The following CILP2 variants were observed in gnomAD, a reference collection of about 807,000 sequenced individuals.
CILP2 encodes cartilage intermediate layer protein 2.
CILP2 carries 38 observed loss-of-function variants against 45.6 expected under a neutral mutation model. That is an observed-to-expected ratio of 0.83 (90% CI 0.64 to 1.09). CILP2 has a LOEUF of 1.09. CILP2 is among the 50% of genes least tolerant of loss of function. CILP2 has a pLI of 0.00. For synonymous variants in CILP2, 780 were observed against 723.5 expected, an observed-to-expected ratio of 1.08 and a Z score of -1.25; for missense variants, 1,735 against 1,662.2, an observed-to-expected ratio of 1.04 and a Z score of -0.76.
chr19:19,546,017 C>A lies in CILP2; in HGVS notation c.*1C>A, dbSNP rs1487627309. The A allele has an allele frequency of 1.4e-6, 2 of 1,470,486 alleles. No homozygotes were observed. Among genetic ancestry groups the A allele is most frequent in the Non-Finnish European group, 1.8e-6 (2 of 1,113,268 alleles). 91.1% of individuals were successfully genotyped at this position (1,470,486 alleles called of 1,614,324 possible). ...CCGCCGGGGTAGGGTCCGGCAGTGA[C>A]CTGGGCAGGGGCCTCGCTTTCCCAC... On this transcript the variant is annotated 3_prime_UTR_variant, in exon 8 of 8. Coordinates refer to ENST00000291495, the MANE Select transcript of CILP2 (RefSeq NM_153221.2).
chr19:19,544,448 G>T lies in CILP2; in HGVS notation c.1903G>T (p.Ala635Ser), dbSNP rs1183256616. 4 of 1,609,372 alleles carry T rather than the reference G, an allele frequency of 2.5e-6. No individual in the cohort carries two copies. Among genetic ancestry groups the T allele is most frequent in the East Asian group, 2.2e-5 (1 of 44,846 alleles). ...LRFVDSDGELAPLRTYGMFSV... is the reference protein window; with the variant it reads ...LRFVDSDGELSPLRTYGMFSV... The stretch of plus-strand genomic sequence containing the variant: ...CTTCGTGGACAGCGACGGCGAGCTG[G>T]CTCCACTGCGCACCTACGGCATGTT... The change falls in exon 8 of 8, where the codon GCT becomes TCT. Residue 635 changes from alanine (A) to serine (S), a missense_variant. By Grantham distance (99) the Ala-to-Ser change is moderately conservative (BLOSUM62 1). Coordinates refer to ENST00000291495, the MANE Select transcript of CILP2 (RefSeq NM_153221.2).
intron 1 of CILP2, 98 bp from the exon 2 acceptor site, chr19:19,539,578 AAAG>A: frequency 5.8e-6 from 4 of 687,768 alleles, no homozygotes; most frequent in South Asian, 3.1e-5. Flanking sequence ...AAAAAAAAAA[AAAG>A]GGGGGGGATG....
rs769293535 is a variant in CILP2 at position 19,542,982 on chromosome 19, C to T, written c.977+10C>T. On this transcript the variant is annotated intron_variant, in intron 6 of 7. Transcript: ENST00000291495. ...CCAAGAAATACTCCTGGTGAGCGCC[C>T]GCCCCGGGCTCAGGGGCATCTTCTG... The T allele has an allele frequency of 1.7e-5, 26 of 1,560,366 alleles. No homozygotes were observed. Among genetic ancestry groups the T allele is most frequent in the African/African-American group, 2.7e-5 (2 of 73,710 alleles).
Position 19,538,290 on chromosome 19 carries a change from G to T in CILP2, c.-60G>T. 1 of 1,487,128 alleles carries T rather than the reference G, an allele frequency of 6.7e-7. No individual in the cohort carries two copies. The highest frequency in any genetic ancestry group is 9.0e-7 in the Non-Finnish European group (1 of 1,107,112). The allele number at this position is 1,487,128 out of a possible 1,614,324, so 92.1% of individuals were successfully genotyped here. A position where few individuals can be genotyped will look rare whatever the true frequency, so the allele number is the denominator to read the frequency against. On this transcript the variant is annotated 5_prime_UTR_variant, in exon 1 of 8. Transcript: ENST00000291495. ...AGTCCCAGCGGCCGCCAGACCCGCC[G>T]GAGTTGGACCCGAGCACGCCGCGGA...
chr19:19,542,712 C>T, intron 5 of CILP2, 62 bp downstream of exon 5: 3 of 1,585,870 alleles, frequency 1.9e-6, no homozygotes, highest in Non-Finnish European at 1.7e-6. Flanking sequence ...AGTTCTAGCA[C>T]TCGATCAAGA....
rs1355323349 is a variant in CILP2, at chr19:19,545,660, C to A, written c.3115C>A (p.Pro1039Thr). 6.2e-7 allele frequency: 1 copy of A among 1,609,694 alleles called. No individual in the cohort carries two copies. Among genetic ancestry groups the A allele is most frequent in the South Asian group, 1.1e-5 (1 of 90,652 alleles). Reference sequence around the variant, plus strand: ...CCTGACCCGGCACCCCCCACCGGTGCCCGCGGAGGACCCAGCTGCCTTCTC... The same window carrying A: ...CCTGACCCGGCACCCCCCACCGGTGACCGCGGAGGACCCAGCTGCCTTCTC... ...DYLTRHPPPVPAEDPAAFSML... is the reference protein window; with the variant it reads ...DYLTRHPPPVTAEDPAAFSML... Residue 1039 changes from proline (P) to threonine (T), a missense_variant, in exon 8 of 8, where the codon CCC becomes ACC. Transcript: ENST00000291495.
chr19:19,544,368 C>T lies in CILP2; in HGVS notation c.1823C>T (p.Thr608Met), dbSNP rs1402749786. 1 of 1,608,542 alleles carries T rather than the reference C, an allele frequency of 6.2e-7. No individual in the cohort carries two copies. The highest frequency in any genetic ancestry group is 1.3e-5 in the African/African-American group (1 of 74,712). The change falls in exon 8 of 8, where the codon ACG becomes ATG. Residue 608 changes from threonine (T) to methionine (M), a missense_variant. By Grantham distance (81) the Thr-to-Met change is moderately conservative. Transcript: ENST00000291495. ...PYSGPVEARV[T>M]FVDPRDLTSA... ...TCGGGGCCTGTGGAGGCCCGGGTGA[C>T]GTTCGTGGACCCCCGAGACCTCACC...
intron 1 of CILP2, among the ~76,000 whole-genome samples, chr19:19,538,890 T>C (rs990806136): frequency 6.6e-6 from 1 of 152,216 alleles, no homozygotes; most frequent in African/African-American, 2.4e-5. Flanking sequence ...ACAGCTCCTA[T>C]CTTGGAGAAG....
Position 19,545,876 on chromosome 19 carries a change from C to A in CILP2, c.3331C>A (p.Arg1111=), listed in dbSNP as rs1348996661. The change falls in exon 8 of 8, where the codon CGA becomes AGA. Residue 1111 remains arginine (R), a synonymous_variant. Transcript: ENST00000291495. Reference sequence around the variant, plus strand: ...CCAGTGCCGGGAGCCACCGGCCGGACGACCCAGCCTCTTCCAGAGGCTGCT... The same window carrying A: ...CCAGTGCCGGGAGCCACCGGCCGGAAGACCCAGCCTCTTCCAGAGGCTGCT... ...TFQCREPPAG[R]PSLFQRLLES... is the part of the protein sequence containing the mutation. The A allele has an allele frequency of 1.9e-6, 3 of 1,587,920 alleles. No homozygotes were observed. The highest frequency in any genetic ancestry group is 2.6e-6 in the Non-Finnish European group (3 of 1,161,868).
At position 19,544,502 on chromosome 19, in the gene CILP2, G is replaced by C. The variant is rs143050305; in HGVS notation, c.1957G>C (p.Ala653Pro). 3 of 1,601,708 alleles carry C rather than the reference G, an allele frequency of 1.9e-6. No homozygotes were observed. The highest frequency in any genetic ancestry group is 2.7e-5 in the African/African-American group (2 of 74,786). The change falls in exon 8 of 8, where the codon GCG (alanine) becomes CCG (proline). Residue 653 changes from alanine (A) to proline (P), a missense_variant. Ala to Pro is a conservative substitution (Grantham distance 27). Transcript: ENST00000291495. ...CGTGGACCTCCGTGCGCCCGGCTCC[G>C]CGGAGCAGCTGCAGGTGGGGCCGGT... ...FSVDLRAPGS[A>P]EQLQVGPVAV...
Position 19,540,253 on chromosome 19 carries a change from C to T in CILP2, c.213C>T (p.Asp71=), listed in dbSNP as rs1476463163. Residue 71 remains aspartate (D), a synonymous_variant, in exon 3 of 8, where the codon GAC becomes GAT. Coordinates refer to ENST00000291495, the MANE Select transcript of CILP2 (RefSeq NM_153221.2). Reference sequence around the variant, plus strand: ...TCAACGTGGACCACCCCGGAGGCGACGGCGACTTCGAGAGCCTGGCTGCCA... The same window carrying T: ...TCAACGTGGACCACCCCGGAGGCGATGGCGACTTCGAGAGCCTGGCTGCCA... ...SWFNVDHPGG[D]GDFESLAAIR... The T allele has an allele frequency of 1.2e-6, 2 of 1,603,006 alleles. No individual in the cohort carries two copies. The highest frequency in any genetic ancestry group is 1.1e-5 in the South Asian group (1 of 90,354).
At position 19,544,015 on chromosome 19, in the gene CILP2, C is replaced by T. The variant is rs2061253940; in HGVS notation, c.1470C>T (p.Phe490=). ...CTGACTCCGGGGAGCCGCTACGCTT[C>T]GCCAGGATTCTGCTGGGCCAGGAGC... The part of the protein sequence containing the change: ...VAADSGEPLR[F]ARILLGQEPI... The change falls in exon 8 of 8, where the codon TTC becomes TTT. Residue 490 remains phenylalanine, a synonymous_variant. Transcript: ENST00000291495. The T allele has an allele frequency of 5.0e-6, 8 of 1,613,762 alleles. No homozygotes were observed. Among genetic ancestry groups the T allele is most frequent in the Non-Finnish European group, 6.8e-6 (8 of 1,179,876 alleles).
At position 19,545,007 on chromosome 19, in the gene CILP2, C is replaced by G; in HGVS notation, c.2462C>G (p.Ala821Gly). Residue 821 changes from alanine (A) to glycine (G), a missense_variant, in exon 8 of 8, where the codon GCC becomes GGC. Physicochemically the swap from Ala to Gly is moderately conservative, Grantham distance 60. Coordinates refer to ENST00000291495, the MANE Select transcript of CILP2 (RefSeq NM_153221.2). Reference sequence around the variant, plus strand: ...CTGGGCGGCGAGGAGCTGGAGCCGGCCCCTTCCTTGCCCCGCCCACTCCCG... The same window carrying G: ...CTGGGCGGCGAGGAGCTGGAGCCGGGCCCTTCCTTGCCCCGCCCACTCCCG... ...ATLGGEELEP[A>G]PSLPRPLPAT... 6.2e-7 allele frequency: 1 copy of G among 1,603,026 alleles called. No homozygotes were observed. Among genetic ancestry groups the G allele is most frequent in the South Asian group, 1.1e-5 (1 of 90,692 alleles).
chr19:19,543,668 T>A lies in CILP2; in HGVS notation c.1136-13T>A. The stretch of plus-strand genomic sequence containing the variant: ...CCTCCCTGCCCTGACCTGCATGTTT[T>A]CTTTGTCCCCAGCCCCAGGCCAGCC... On this transcript the variant is annotated splice_polypyrimidine_tract_variant and intron_variant, in intron 7 of 7. Coordinates refer to ENST00000291495, the MANE Select transcript of CILP2 (RefSeq NM_153221.2). 2 of 1,578,170 alleles carry A rather than the reference T, an allele frequency of 1.3e-6. No homozygotes were observed. Among genetic ancestry groups the A allele is most frequent in the Non-Finnish European group, 1.7e-6 (2 of 1,160,100 alleles).
Position 19,543,798 on chromosome 19 carries a change from C to A in CILP2, c.1253C>A (p.Thr418Asn). The change falls in exon 8 of 8, where the codon ACC (threonine) becomes AAC (asparagine). Residue 418 changes from threonine to asparagine, a missense_variant. Physicochemically the swap from Thr to Asn is moderately conservative, Grantham distance 65 (BLOSUM62 0). Transcript: ENST00000291495. ...CTGGATGTGGGCCTCTGTCCCGACA[C>A]CCGCTGCCCCAGCCTGGCAGGCTCC... ...AYLDVGLCPD[T>N]RCPSLAGSSP... The A allele has an allele frequency of 6.2e-7, 1 of 1,613,914 alleles. No homozygotes were observed. The highest frequency in any genetic ancestry group is 8.5e-7 in the Non-Finnish European group (1 of 1,179,952).
chr19:19,542,756 G>A (rs985852454), intron 5 of CILP2, 106 bp downstream of exon 5: 80 of 1,580,344 alleles, frequency 5.1e-5, no homozygotes, highest in Non-Finnish European at 6.1e-5. Flanking sequence ...AGTCATTGGC[G>A]AAGGCACAGA....
Position 19,545,210 on chromosome 19 carries a change from G to C in CILP2, c.2665G>C (p.Gly889Arg). 1 of 1,612,538 alleles carries C rather than the reference G, an allele frequency of 6.2e-7. No individual in the cohort carries two copies. The highest frequency in any genetic ancestry group is 8.5e-7 in the Non-Finnish European group (1 of 1,179,712). The change falls in exon 8 of 8, where the codon GGG (glycine) becomes CGG (arginine). Residue 889 changes from glycine to arginine, a missense_variant. Physicochemically the swap from Gly to Arg is moderately radical, Grantham distance 125. Transcript: ENST00000291495. ...YPWRSLRECQ[G>R]APVTASHFRF... Reference sequence around the variant, plus strand: ...GTGGCGCAGCCTGCGGGAATGCCAGGGGGCCCCGGTGACTGCCAGCCACTT... The same window carrying C: ...GTGGCGCAGCCTGCGGGAATGCCAGCGGGCCCCGGTGACTGCCAGCCACTT...
In CILP2 at chr19:19,544,080, A is replaced by C. The variant is rs2061254143; in HGVS notation, c.1535A>C (p.Glu512Ala). ...FTAYQGDFTI[E>A]VPPSTQRLVV... ...GCCTACCAGGGCGACTTTACCATTG[A>C]GGTGCCGCCCTCCACCCAGCGGCTG... is the stretch of plus-strand genomic sequence containing the variant. The change falls in exon 8 of 8, where the codon GAG becomes GCG. Residue 512 changes from glutamate (E) to alanine (A), a missense_variant. Transcript: ENST00000291495. 1.9e-6 allele frequency: 3 copies of C among 1,613,964 alleles called. No individual in the cohort carries two copies. Among genetic ancestry groups the C allele is most frequent in the Non-Finnish European group, 1.7e-6 (2 of 1,180,002 alleles).
Position 19,545,664 on chromosome 19 carries a change from C to G in CILP2, c.3119C>G (p.Ala1040Gly), listed in dbSNP as rs769764795. The change falls in exon 8 of 8, where the codon GCG becomes GGG. Residue 1040 changes from alanine (A) to glycine (G), a missense_variant. Ala to Gly is a moderately conservative substitution (Grantham distance 60). Transcript: ENST00000291495. ...YLTRHPPPVPAEDPAAFSMLA... is the reference protein window; with the variant it reads ...YLTRHPPPVPGEDPAAFSMLA... Reference sequence around the variant, plus strand: ...ACCCGGCACCCCCCACCGGTGCCCGCGGAGGACCCAGCTGCCTTCTCCATG... The same window carrying G: ...ACCCGGCACCCCCCACCGGTGCCCGGGGAGGACCCAGCTGCCTTCTCCATG... 6.2e-7 allele frequency: 1 copy of G among 1,610,080 alleles called. No individual in the cohort carries two copies. Among genetic ancestry groups the G allele is most frequent in the Admixed American group, 1.7e-5 (1 of 59,720 alleles).
Sources: gnomAD v4.1 joint callset for allele counts (sites outside exome capture counted in the v4.1 genomes callset) on GRCh38, gnomAD v4.1.1 for gene constraint, MANE v1.5 for transcripts, NCBI Gene and HGNC (gene_info 2026-07-23, HGNC 2026-07-21) for gene names.